The following ENAH variants were observed in gnomAD, a reference collection of about 807,000 sequenced individuals.
ENAH encodes ENAH actin regulator.
In ENAH, 23 loss-of-function variants were observed where a neutral mutation model predicts 78.7. The ratio of observed to expected loss-of-function variants is 0.29; its 90% CI spans 0.21 to 0.41. The LOEUF is 0.41. Among genes scored for constraint, ENAH ranks in the 10% least tolerant of loss-of-function variants. The pLI is 1.00. For missense variants in ENAH, 544 were observed against 691.0 expected (o/e 0.79, Z 2.39); for synonymous variants, 226 against 241.0 (o/e 0.94, Z 0.58).
At chr1:225,632,497 C>CAA (rs55973162) in intron 1 of ENAH, among the ~76,000 whole-genome samples, 1,834 of 102,374 alleles carry the variant, frequency 0.018, 31 homozygotes, top group South Asian at 0.078. Flanking sequence ...GACTCCGTCT[C>CAA]AAAAAAAAAA....
chr1:225,555,086 A>ATGGTCCTG lies in ENAH; in HGVS notation c.172-4_172-3insCAGGACCA. 1.3e-6 allele frequency: 2 copies of ATGGTCCTG among 1,513,490 alleles called. 1 individual carries two copies. Among genetic ancestry groups the ATGGTCCTG allele is most frequent in the Non-Finnish European group, 1.8e-6 (2 of 1,113,378 alleles). 93.8% of individuals were successfully genotyped at this position (1,513,490 alleles called of 1,614,324 possible). On this transcript the variant is annotated splice_region_variant and splice_polypyrimidine_tract_variant and intron_variant, in intron 2 of 13. Transcript: ENST00000366843. ...GGAATGGCACAGTTTATCACGACCT[A>ATGGTCCTG]AAAAATAATAATTCTTTATAAAGTC...
intron 5 of ENAH, 56 bp from the exon 6 acceptor site, chr1:225,517,362 G>C: frequency 1.9e-6 from 3 of 1,551,744 alleles, no homozygotes; most frequent in Non-Finnish European, 2.6e-6. Flanking sequence ...AGGCAATAGG[G>C]GTGCTTGGAG....
chr1:225,572,267 T>C (rs573018443), intron 1 of ENAH, among the ~76,000 whole-genome samples: 23 of 152,040 alleles, frequency 1.5e-4, no homozygotes, highest in Non-Finnish European at 2.6e-4. Context: ...ACAAAATAAA[T>C]TGGTGGTAAG....
intron 3 of ENAH, among the ~76,000 whole-genome samples, chr1:225,538,546 A>T (rs2096573357): frequency 6.6e-6 from 1 of 151,762 alleles, no homozygotes; most frequent in South Asian, 2.1e-4. Flanking sequence ...ACCATCATAA[A>T]CATCTTCCCC....
chr1:225,621,954 C>T (rs1185067289), intron 1 of ENAH, among the ~76,000 whole-genome samples: 1 of 152,144 alleles, frequency 6.6e-6, no homozygotes, highest in Non-Finnish European at 1.5e-5. Flanking sequence ...CCTCCCTCTT[C>T]GTATCTCTCA....
At position 225,492,070 on chromosome 1, in the gene ENAH, A is replaced by AT. The variant is rs1305068595; in HGVS notation, c.*5704dup. ...TTTCTAATAATTTCTATGAAAAGCT[A>AT]TATTCTCTTAGAATTTTTTTTTTTT... On this transcript the variant is annotated 3_prime_UTR_variant, in exon 14 of 14. Transcript: ENST00000366843. The AT allele has an allele frequency of 7.0e-6, 1 of 143,624 alleles. No homozygotes were observed. The highest frequency in any genetic ancestry group is 2.6e-5 in the African/African-American group (1 of 38,708). 8.9% of individuals were successfully genotyped at this position (143,624 alleles called of 1,614,324 possible).
chr1:225,520,163 C>T (rs2096455869), intron 4 of ENAH, among the ~76,000 whole-genome samples: 4 of 152,010 alleles, frequency 2.6e-5, no homozygotes, highest in South Asian at 4.1e-4. Flanking sequence ...GGCATGGTAG[C>T]GTGCGCCTAT....
intron 1 of ENAH, among the ~76,000 whole-genome samples, chr1:225,605,888 C>T (rs1427396839): frequency 2.6e-5 from 4 of 152,180 alleles, no homozygotes; most frequent in African/African-American, 7.2e-5. Flanking sequence ...CCTGCCAACA[C>T]CTTGACCTTC....
rs1309060788 is a variant in ENAH at position 225,652,484 on chromosome 1, A to AC, written c.5+201dup. 10 of 910,700 alleles carry AC rather than the reference A, an allele frequency of 1.1e-5. No individual in the cohort carries two copies. In the South Asian group the frequency reaches 2.5e-4, roughly 23 times the overall value. 56.4% of individuals were successfully genotyped at this position (910,700 alleles called of 1,614,324 possible). Reference sequence around the variant, plus strand: ...AAAAATGAGAGAACGATGAAGCGAGACCCCCAAACCACACGGGTTGGGGAG... The same window carrying AC: ...AAAAATGAGAGAACGATGAAGCGAGACCCCCCAAACCACACGGGTTGGGGAG... On this transcript the variant is annotated intron_variant, in intron 1 of 13. Coordinates refer to ENST00000366843, the MANE Select transcript of ENAH (RefSeq NM_018212.6).
intron 5 of ENAH, chr1:225,518,039 A>C: frequency 6.8e-7 from 1 of 1,479,218 alleles, no homozygotes; most frequent in Non-Finnish European, 9.0e-7. Context: ...AAAAAAGGAG[A>C]GAGAAAAAGG....
intron 1 of ENAH, among the ~76,000 whole-genome samples, chr1:225,615,739 C>T (rs1218532970): frequency 1.6e-4 from 24 of 150,772 alleles, no homozygotes; most frequent in African/African-American, 2.2e-4. Flanking sequence ...ACCGCCACCC[C>T]GTCTGGGAGG....
intron 1 of ENAH, among the ~76,000 whole-genome samples, chr1:225,585,785 T>C (rs934985323): frequency 2.1e-4 from 32 of 151,020 alleles, no homozygotes; most frequent in African/African-American, 7.3e-4. Context: ...TGAGACCCTG[T>C]GTAAAAAATA....
intron 1 of ENAH, among the ~76,000 whole-genome samples, chr1:225,639,731 CACACACACACACAA>C (rs1026293300): frequency 4.0e-5 from 6 of 149,138 alleles, no homozygotes; most frequent in African/African-American, 1.5e-4. Flanking sequence ...CACACACACA[CACACACACACACAA>C]GAAGGATGGT....
chr1:225,530,831 C>T (rs934736404), intron 3 of ENAH, among the ~76,000 whole-genome samples, 193 bp from the exon 4 acceptor site: 2 of 152,096 alleles, frequency 1.3e-5, no homozygotes, highest in African/African-American at 4.8e-5. Context: ...GTCATCATCT[C>T]CAGAAGGCTT....
At chr1:225,588,720 G>T (rs553730207) in intron 1 of ENAH, among the ~76,000 whole-genome samples, 2 of 149,492 alleles carry the variant, frequency 1.3e-5, no homozygotes, top group African/African-American at 5.0e-5. Flanking sequence ...AGGCAGAATC[G>T]CCTGAACATG....
chr1:225,613,275 C>T (rs368588147), intron 1 of ENAH, among the ~76,000 whole-genome samples: 2 of 152,262 alleles, frequency 1.3e-5, no homozygotes, highest in East Asian at 1.9e-4. Context: ...GCCTTCACCA[C>T]CCATCTTTTC....
At chr1:225,554,704 C>T (rs1034856249) in intron 3 of ENAH, among the ~76,000 whole-genome samples, 6 of 152,148 alleles carry the variant, frequency 3.9e-5, no homozygotes, top group African/African-American at 1.4e-4. Flanking sequence ...CTAGATTATA[C>T]ATTTATCATC....
chr1:225,624,453 G>A (rs1363275454), intron 1 of ENAH, among the ~76,000 whole-genome samples: 2 of 151,900 alleles, frequency 1.3e-5, no homozygotes, highest in African/African-American at 2.4e-5. Context: ...GTGAAACCGC[G>A]TCTATACTAA....
At chr1:225,523,791 A>T (rs1446053946) in intron 4 of ENAH, among the ~76,000 whole-genome samples, 1 of 152,126 alleles carries the variant, frequency 6.6e-6, no homozygotes, top group African/African-American at 2.4e-5. Flanking sequence ...TTCTAGGAGG[A>T]GTTTCCAAAT....
Sources: allele counts gnomAD v4.1 joint callset (sites outside exome capture counted in the v4.1 genomes callset), GRCh38; gene constraint gnomAD v4.1.1; transcripts MANE v1.5; gene names NCBI Gene and HGNC (gene_info 2026-07-23, HGNC 2026-07-21).